The following ABCC9 variants were observed in gnomAD, a reference collection of about 807,000 sequenced individuals.
ABCC9 encodes ATP binding cassette subfamily C member 9, also known as ATP-binding cassette sub-family C member 9.
Under a neutral mutation model 188.3 loss-of-function variants are expected in ABCC9, and 95 were observed. The observed-to-expected ratio is 0.50, with a 90% CI of 0.43 to 0.60. The LOEUF (loss-of-function observed/expected upper bound fraction) is 0.60, where lower values mean the gene tolerates loss of function less well. Ranked by LOEUF, ABCC9 falls within the 20% of genes least tolerant of loss-of-function variation. ABCC9 has a pLI of 0.00. For synonymous variants in ABCC9, 659 were observed against 652.7 expected, an observed-to-expected ratio of 1.01 and a Z score of -0.15; for missense variants, 1,102 against 1,876.3, an observed-to-expected ratio of 0.59 and a Z score of 7.62.
rs771875294 is a variant in ABCC9, at chr12:21,936,486, G to A, written c.142+47C>T. On this transcript the variant is annotated intron_variant, in intron 3 of 39. Transcript: ENST00000261200. ...TATCCCAAATCTCAGCCATTAGCGA[G>A]ATATATAAACATCAAATGGTATAAC... 42 of 1,515,412 alleles carry A rather than the reference G, an allele frequency of 2.8e-5. No homozygotes were observed. In the East Asian group the frequency reaches 5.7e-4, roughly 21 times the overall value. 93.9% of individuals were successfully genotyped at this position (1,515,412 alleles called of 1,614,324 possible).
chr12:21,824,645 A>G (rs919599989), intron 31 of ABCC9, among the ~76,000 whole-genome samples: 1 of 152,134 alleles, frequency 6.6e-6, no homozygotes, highest in Non-Finnish European at 1.5e-5. Flanking sequence ...TTGGTAGGCT[A>G]CTAATTATTG....
chr12:21,858,836 G>A (rs1945359270), intron 22 of ABCC9, among the ~76,000 whole-genome samples: 1 of 152,130 alleles, frequency 6.6e-6, no homozygotes, highest in Admixed American at 6.6e-5. Context: ...GAACCAGATT[G>A]ATAAGTGGTT....
At chr12:21,923,052 A>G (rs1463564735) in intron 5 of ABCC9, 1 of 149,942 alleles carries the variant, frequency 6.7e-6, no homozygotes, top group Non-Finnish European at 1.5e-5. Flanking sequence ...CTATCCCACA[A>G]ATGGTGCTGG....
In ABCC9 at chr12:21,845,629, T is replaced by C. The variant is rs376701259; in HGVS notation, c.3070A>G (p.Ile1024Val). The part of the protein sequence containing the change: ...WLATWTSEYS[I>V]NNTGKADQTY... ...TGATCAGCTTTTCCAGTATTGTTTA[T>C]ACTGTACTCCGATGTCCATGTGGCC... The change falls in exon 26 of 40, where the codon ATA becomes GTA. Residue 1024 changes from isoleucine (I) to valine (V), a missense_variant. By Grantham distance (29) the Ile-to-Val change is conservative. Coordinates refer to ENST00000261200, the MANE Select transcript of ABCC9 (RefSeq NM_020297.4). 80 of 1,613,602 alleles carry C rather than the reference T, an allele frequency of 5.0e-5. No homozygotes were observed. The highest frequency in any genetic ancestry group is 6.4e-5 in the Non-Finnish European group (76 of 1,179,744).
intron 12 of ABCC9, among the ~76,000 whole-genome samples, chr12:21,897,588 T>C (rs567356763): frequency 1.3e-5 from 2 of 152,174 alleles, no homozygotes; most frequent in African/African-American, 4.8e-5. Flanking sequence ...ATGAAGAAAC[T>C]GAGGCTAGGA....
At chr12:21,816,664 G>A (rs1261216210) in intron 33 of ABCC9, among the ~76,000 whole-genome samples, 1 of 152,138 alleles carries the variant, frequency 6.6e-6, no homozygotes. Flanking sequence ...TAATGAAGGG[G>A]CTCATGGTCT....
chr12:21,848,320 C>G, intron 24 of ABCC9, 74 bp from the exon 25 acceptor site: 1 of 1,297,802 alleles, frequency 7.7e-7, no homozygotes, highest in Non-Finnish European at 1.1e-6. Flanking sequence ...ATGACTCACA[C>G]GTGTAAATGG....
At position 21,872,615 on chromosome 12, in the gene ABCC9, A is replaced by T; in HGVS notation, c.2198+10T>A. On this transcript the variant is annotated intron_variant, in intron 18 of 39. Coordinates refer to ENST00000261200, the MANE Select transcript of ABCC9 (RefSeq NM_020297.4). Reference sequence around the variant, plus strand: ...ACATAGCAATGGAAGCCAACTAAAAATATACATACTTGCTCCAGTGAACTT... The same window carrying T: ...ACATAGCAATGGAAGCCAACTAAAATTATACATACTTGCTCCAGTGAACTT... 3 of 1,604,520 alleles carry T rather than the reference A, an allele frequency of 1.9e-6. No homozygotes were observed. The highest frequency in any genetic ancestry group is 2.6e-6 in the Non-Finnish European group (3 of 1,171,360).
At chr12:21,869,140 C>G (rs1236282001) in intron 18 of ABCC9, among the ~76,000 whole-genome samples, 1 of 152,156 alleles carries the variant, frequency 6.6e-6, no homozygotes, top group Non-Finnish European at 1.5e-5. Flanking sequence ...AAACTTCGGT[C>G]CTTTCTGCAG....
rs144325590 is a variant in ABCC9 at position 21,844,525 on chromosome 12, C to G, written c.3273G>C (p.Leu1091=). The G allele has an allele frequency of 5.6e-5, 91 of 1,613,664 alleles. No homozygotes were observed. The highest frequency in any genetic ancestry group is 6.9e-5 in the Non-Finnish European group (81 of 1,179,742). Residue 1091 remains leucine (L), a synonymous_variant, in exon 28 of 40, where the codon CTG becomes CTC. Transcript: ENST00000261200. ...IRFFDTTPLG[L]ILNRFSADTN... Reference sequence around the variant, plus strand: ...TATCAGCTGAAAAGCGATTGAGAATCAGTCCCAGGGGTGTGGTATCAAAAA... The same window carrying G: ...TATCAGCTGAAAAGCGATTGAGAATGAGTCCCAGGGGTGTGGTATCAAAAA...
At chr12:21,922,612 C>T (rs1388107313) in intron 5 of ABCC9, among the ~76,000 whole-genome samples, 1 of 151,832 alleles carries the variant, frequency 6.6e-6, no homozygotes, top group Non-Finnish European at 1.5e-5. Context: ...CTACAAAACA[C>T]TGCAAGGGGA....
intron 18 of ABCC9, 129 bp from the exon 19 acceptor site, chr12:21,864,606 A>T: frequency 2.9e-6 from 2 of 697,838 alleles, no homozygotes; most frequent in Non-Finnish European, 5.1e-6. Context: ...ATGGTTTCTG[A>T]TATTAATTTC....
chr12:21,872,665 C>T lies in ABCC9; in HGVS notation c.2158G>A (p.Gly720Ser), dbSNP rs542184069. 23 of 1,613,732 alleles carry T rather than the reference C, an allele frequency of 1.4e-5. No homozygotes were observed. Among genetic ancestry groups the T allele is most frequent in the Middle Eastern group, 1.7e-4 (1 of 6,060 alleles). ...GKSSLLLAILGEMQTLEGKVH... is the reference protein window; with the variant it reads ...GKSSLLLAILSEMQTLEGKVH... ...TTTCCTTCCAATGTCTGCATCTCACCGAGGATGGCAAGGAGAAGAGAGGAC... is the reference window on the plus strand; with the variant it reads ...TTTCCTTCCAATGTCTGCATCTCACTGAGGATGGCAAGGAGAAGAGAGGAC... The change falls in exon 18 of 40, where the codon GGT becomes AGT. Residue 720 changes from glycine (G) to serine (S), a missense_variant. Gly to Ser is a moderately conservative substitution (Grantham distance 56). Coordinates refer to ENST00000261200, the MANE Select transcript of ABCC9 (RefSeq NM_020297.4).
intron 30 of ABCC9, among the ~76,000 whole-genome samples, chr12:21,832,533 C>T (rs1050147765): frequency 1.3e-5 from 2 of 151,914 alleles, no homozygotes; most frequent in Non-Finnish European, 2.9e-5. Flanking sequence ...AAATGCTTTA[C>T]GTCCCTAATC....
chr12:21,932,305 C>T (rs1333556012), intron 4 of ABCC9, among the ~76,000 whole-genome samples: 3 of 151,742 alleles, frequency 2.0e-5, no homozygotes, highest in Admixed American at 2.0e-4. Context: ...GTTTTTAAAA[C>T]TATAAAACCC....
Position 21,908,215 on chromosome 12 carries a change from G to C in ABCC9, c.1321-4C>G, listed in dbSNP as rs1026041376. 1.2e-6 allele frequency: 2 copies of C among 1,612,082 alleles called. No individual in the cohort carries two copies. The highest frequency in any genetic ancestry group is 1.1e-5 in the South Asian group (1 of 91,036). On this transcript the variant is annotated splice_region_variant and splice_polypyrimidine_tract_variant and intron_variant, in intron 10 of 39. Transcript: ENST00000261200. ...GCAGAATCACGCCCATTATGATCTA[G>C]AGAGAAAAACACATGGAAAAGAGAA...
Position 21,845,818 on chromosome 12 carries a change from C to T in ABCC9, c.2881G>A (p.Glu961Lys), listed in dbSNP as rs1944632229. The stretch of plus-strand genomic sequence containing the variant: ...GTGGACATGTTATCATCCTCATCTT[C>T]CTCCTCTTCTTCCTCTACATACAAA... ...EDEDEEEEEE[E>K]DEDDNMSTVM... The change falls in exon 26 of 40, where the codon GAA becomes AAA. Residue 961 changes from glutamate to lysine, a missense_variant. This residue lies in a region of ABCC9 where 131 missense variants were observed against 170.2 expected (regional missense o/e 0.77). Coordinates refer to ENST00000261200, the MANE Select transcript of ABCC9 (RefSeq NM_020297.4). The T allele has an allele frequency of 6.2e-7, 1 of 1,613,240 alleles. No individual in the cohort carries two copies. The highest frequency in any genetic ancestry group is 1.3e-5 in the African/African-American group (1 of 74,906).
At chr12:21,910,545 A>G (rs1948270891) in intron 9 of ABCC9, among the ~76,000 whole-genome samples, 2 of 151,994 alleles carry the variant, frequency 1.3e-5, no homozygotes, top group South Asian at 4.1e-4. Flanking sequence ...TAATAAAAAC[A>G]TGCATTAAAC....
intron 18 of ABCC9, among the ~76,000 whole-genome samples, chr12:21,868,376 A>G (rs1207836835): frequency 6.6e-6 from 1 of 152,216 alleles, no homozygotes; most frequent in East Asian, 1.9e-4. Flanking sequence ...ACGGTGGCTC[A>G]CGCCTGTAAT....
Sources: allele counts gnomAD v4.1 joint callset (sites outside exome capture counted in the v4.1 genomes callset), GRCh38; gene constraint gnomAD v4.1.1; regional missense constraint gnomAD v4.1.1; transcripts MANE v1.5; gene names NCBI Gene and HGNC (gene_info 2026-07-23, HGNC 2026-07-21).